AFG2A: variants seen among roughly 807,000 people sequenced by gnomAD.
The protein encoded by AFG2A is AAA ATPase AFG2A, also known as ATPase family gene 2 protein homolog A.
At chr4:123,195,239 G>T in the AFG2A span, among the ~76,000 whole-genome samples, 1 of 152,158 alleles carries the variant, frequency 6.6e-6, no homozygotes, top group African/African-American at 2.4e-5. Flanking sequence ...ATTTGCTGTT[G>T]TCCATACTAT....
chr4:123,104,898 T>C, the AFG2A span, among the ~76,000 whole-genome samples: 3 of 152,204 alleles, frequency 2.0e-5, no homozygotes, highest in African/African-American at 7.2e-5. Context: ...AACATAAAAA[T>C]GTAAAGTGAA....
the AFG2A span, among the ~76,000 whole-genome samples, chr4:123,120,067 A>G: frequency 6.6e-6 from 1 of 152,150 alleles, no homozygotes; most frequent in African/African-American, 2.4e-5. Flanking sequence ...ACAATTCAAG[A>G]TGAGATTTGG....
the AFG2A span, among the ~76,000 whole-genome samples, chr4:123,293,771 T>G: frequency 6.6e-6 from 1 of 152,242 alleles, no homozygotes; most frequent in Non-Finnish European, 1.5e-5. Flanking sequence ...AGAGACACTC[T>G]GCCTGAGTTC....
the AFG2A span, among the ~76,000 whole-genome samples, chr4:123,243,936 C>T: frequency 5.3e-5 from 8 of 151,986 alleles, no homozygotes; most frequent in East Asian, 7.7e-4. Flanking sequence ...GTGGGAGGAC[C>T]GCTTGGACCC....
chr4:123,108,031 C>G, the AFG2A span, among the ~76,000 whole-genome samples: 1 of 152,164 alleles, frequency 6.6e-6, no homozygotes, highest in Admixed American at 6.5e-5. Context: ...GCAGTGAGCC[C>G]CGCCCTCCCA....
chr4:122,976,122 C>A, the AFG2A span, among the ~76,000 whole-genome samples: 58 of 152,044 alleles, frequency 3.8e-4, no homozygotes, highest in African/African-American at 1.3e-3. Flanking sequence ...GTGTTTTGAA[C>A]AAGAAAGGTT....
At chr4:123,305,705 A>T in the AFG2A span, among the ~76,000 whole-genome samples, 2 of 152,090 alleles carry the variant, frequency 1.3e-5, no homozygotes, top group African/African-American at 4.8e-5. Flanking sequence ...TCATTTTTTT[A>T]AATTATTACT....
the AFG2A span, among the ~76,000 whole-genome samples, chr4:123,173,111 C>A: frequency 1.3e-5 from 2 of 152,030 alleles, no homozygotes; most frequent in African/African-American, 4.8e-5. Flanking sequence ...CTTTCCTAAG[C>A]CAAATAGATT....
the AFG2A span, among the ~76,000 whole-genome samples, chr4:122,954,183 G>A: frequency 2.0e-5 from 3 of 152,260 alleles, no homozygotes; most frequent in South Asian, 4.2e-4. Flanking sequence ...CACCATAGAG[G>A]TGCTGCCTCA....
At chr4:122,929,017 T>A in the AFG2A span, 10 of 1,608,640 alleles carry the variant, frequency 6.2e-6, no homozygotes, top group African/African-American at 1.3e-4. Flanking sequence ...TTTTCTAACA[T>A]TTTTATTTCC....
At chr4:123,009,524 T>C in the AFG2A span, among the ~76,000 whole-genome samples, 2 of 152,248 alleles carry the variant, frequency 1.3e-5, no homozygotes, top group African/African-American at 4.8e-5. Flanking sequence ...TTTATTTGGA[T>C]TGAATTAGTT....
At chr4:122,985,880 C>T in the AFG2A span, among the ~76,000 whole-genome samples, 21 of 151,354 alleles carry the variant, frequency 1.4e-4, no homozygotes, top group Non-Finnish European at 2.9e-4. Flanking sequence ...TCAGTTTGTG[C>T]TCTTTCAGAC....
chr4:122,988,642 G>A, the AFG2A span, among the ~76,000 whole-genome samples: 6 of 151,934 alleles, frequency 3.9e-5, no homozygotes, highest in Admixed American at 6.6e-5. Flanking sequence ...TGATCCACCC[G>A]CCTCAGCCTC....
the AFG2A span, among the ~76,000 whole-genome samples, chr4:123,069,781 A>G: frequency 6.6e-6 from 1 of 152,236 alleles, no homozygotes; most frequent in Admixed American, 6.5e-5. Context: ...GAAGCTAAGC[A>G]ATTACTACAT....
At chr4:123,204,888 A>G in the AFG2A span, among the ~76,000 whole-genome samples, 1 of 152,184 alleles carries the variant, frequency 6.6e-6, no homozygotes, top group African/African-American at 2.4e-5. Flanking sequence ...GAATGTTGCA[A>G]GTTAGTTTTT....
the AFG2A span, among the ~76,000 whole-genome samples, chr4:123,216,446 T>C: frequency 1.3e-5 from 2 of 152,176 alleles, no homozygotes. Context: ...GATTATTGCA[T>C]ATACACTATA....
the AFG2A span, among the ~76,000 whole-genome samples, chr4:123,243,800 C>T: frequency 3.4e-5 from 3 of 88,440 alleles, no homozygotes. Context: ...AGGAGGATCA[C>T]TTGAGTCCGG....
At chr4:123,221,891 C>T in the AFG2A span, among the ~76,000 whole-genome samples, 31 of 151,980 alleles carry the variant, frequency 2.0e-4, no homozygotes, top group Admixed American at 3.3e-4. Flanking sequence ...TGCGCCACTG[C>T]ATTCCAGCCT....
chr4:123,283,296 A>C, the AFG2A span, among the ~76,000 whole-genome samples: 3 of 152,100 alleles, frequency 2.0e-5, no homozygotes, highest in South Asian at 2.1e-4. Context: ...TTTGACTTCA[A>C]AGTCTTTCAC....
Sources: gnomAD v4.1 joint callset for allele counts (sites outside exome capture counted in the v4.1 genomes callset) on GRCh38, gnomAD v4.1.1 for gene constraint, MANE v1.5 for transcripts, NCBI Gene and HGNC (gene_info 2026-07-23, HGNC 2026-07-21) for gene names.